PSMA1: variants seen among roughly 807,000 people sequenced by gnomAD.
PSMA1 encodes the protein proteasome 20S subunit alpha 1.
In PSMA1, 3 loss-of-function variants were observed where a neutral mutation model predicts 38.4. That is an observed-to-expected ratio of 0.08 (90% CI 0.04 to 0.20). PSMA1 has a LOEUF of 0.20. Among genes scored for constraint, PSMA1 ranks in the 10% least tolerant of loss-of-function variants. The pLI is 1.00. For synonymous variants in PSMA1, 101 were observed against 107.1 expected (o/e 0.94, Z 0.35); for missense variants, 227 against 325.3 (o/e 0.70, Z 2.32).
chr11:14,509,773 G>C (rs922437739), intron 8 of PSMA1, among the ~76,000 whole-genome samples: 1 of 150,080 alleles, frequency 6.7e-6, no homozygotes, highest in South Asian at 2.1e-4. Flanking sequence ...GGACAGGCTG[G>C]AGTGCAGTGG....
intron 2 of PSMA1, among the ~76,000 whole-genome samples, chr11:14,587,143 T>C (rs555717349): frequency 2.9e-4 from 44 of 152,354 alleles, no homozygotes; most frequent in African/African-American, 1.0e-3. Flanking sequence ...TAGTCTCAGA[T>C]CCATTCCCAC....
chr11:14,594,817 T>G (rs1242106772), intron 2 of PSMA1, among the ~76,000 whole-genome samples: 2 of 152,202 alleles, frequency 1.3e-5, no homozygotes, highest in Non-Finnish European at 2.9e-5. Flanking sequence ...CGTGCAGGTT[T>G]GATACATAGG....
intron 2 of PSMA1, among the ~76,000 whole-genome samples, chr11:14,536,872 C>T (rs1851715672): frequency 6.6e-6 from 1 of 152,218 alleles, no homozygotes; most frequent in Non-Finnish European, 1.5e-5. Context: ...GCCTCGGCCT[C>T]CCGAAGTGCT....
chr11:14,619,673 G>A (rs1182756688), intron 1 of PSMA1, among the ~76,000 whole-genome samples: 1 of 152,080 alleles, frequency 6.6e-6, no homozygotes, highest in Non-Finnish European at 1.5e-5. Flanking sequence ...TATAACAGGA[G>A]CAAGAGTTGT....
At chr11:14,625,529 CCT>C (rs577357504) in intron 1 of PSMA1, among the ~76,000 whole-genome samples, 37 of 152,278 alleles carry the variant, frequency 2.4e-4, no homozygotes, top group East Asian at 2.1e-3. Flanking sequence ...TGGATCCACC[CCT>C]GTTTCAGTAC....
At chr11:14,602,160 C>T (rs1035876205) in intron 2 of PSMA1, among the ~76,000 whole-genome samples, 15 of 152,080 alleles carry the variant, frequency 9.9e-5, no homozygotes, top group African/African-American at 3.1e-4. Flanking sequence ...GCAAGAGGAT[C>T]CAGCAGGATG....
chr11:14,521,325 TAAG>T (rs869043704), upstream of PSMA1, among the ~76,000 whole-genome samples: 323 of 74,518 alleles, frequency 4.3e-3, 1 homozygote, highest in African/African-American at 0.014. Flanking sequence ...AGAATAAGAA[TAAG>T]AATAATAAAA....
intron 2 of PSMA1, among the ~76,000 whole-genome samples, chr11:14,592,729 G>A (rs1852438907): frequency 6.6e-6 from 1 of 152,226 alleles, no homozygotes; most frequent in East Asian, 1.9e-4. Flanking sequence ...TTTATCCCTG[G>A]TGCCTAAAAC....
chr11:14,514,458 T>C lies in PSMA1; in HGVS notation c.288A>G (p.Arg96=), dbSNP rs767000878. ...NFMRQECLDS[R]FVFDRPLPVS... ...CAGGCAGTGGTCTATCGAATACAAA[T>C]CTGGAATCCAAACACTCCTGACGCA... The change falls in exon 5 of 10, where the codon AGA becomes AGG. Residue 96 remains arginine, a synonymous_variant. Transcript: ENST00000396394. 44 of 1,603,690 alleles carry C rather than the reference T, an allele frequency of 2.7e-5. No individual in the cohort carries two copies. Among genetic ancestry groups the C allele is most frequent in the Non-Finnish European group, 3.0e-5 (35 of 1,176,116 alleles).
At chr11:14,552,478 A>C (rs1356201614) in intron 2 of PSMA1, among the ~76,000 whole-genome samples, 1 of 152,188 alleles carries the variant, frequency 6.6e-6, no homozygotes, top group Non-Finnish European at 1.5e-5. Context: ...CACATAGTAC[A>C]TCAGTCCTGT....
intron 2 of PSMA1, among the ~76,000 whole-genome samples, chr11:14,578,092 G>A (rs2134182014): frequency 6.6e-6 from 1 of 151,462 alleles, no homozygotes; most frequent in African/African-American, 2.4e-5. Flanking sequence ...GGGGCTAGGG[G>A]AGGGATAGCA....
chr11:14,513,443 TA>T, intron 7 of PSMA1, 126 bp downstream of exon 7: 1 of 1,067,706 alleles, frequency 9.4e-7, no homozygotes, highest in African/African-American at 1.7e-5. Context: ...TTCATGGGCA[TA>T]ATTTTTTTTA....
upstream of PSMA1, among the ~76,000 whole-genome samples, chr11:14,524,613 G>A (rs900204864): frequency 6.6e-6 from 1 of 152,096 alleles, no homozygotes; most frequent in Admixed American, 6.6e-5. Flanking sequence ...GACTCAGCCC[G>A]TCTGCACCCA....
At position 14,566,112 on chromosome 11, in the gene PSMA1, T is replaced by C. The variant is rs529306597; in HGVS notation, c.21+44854A>G. Among the ~76,000 whole-genome samples, 601 of 151,620 alleles carry C rather than the reference T, an allele frequency of 4.0e-3. 2 individuals are homozygous for C. Among genetic ancestry groups the C allele is most frequent in the Non-Finnish European group, 7.4e-3 (502 of 67,848 alleles). Reference sequence around the variant, plus strand: ...GCAAGGGAAAGTGGTAAAGATGGAGTTGGAGGTAATGGGGCTAGGGCTTTG... The same window carrying C: ...GCAAGGGAAAGTGGTAAAGATGGAGCTGGAGGTAATGGGGCTAGGGCTTTG... On this transcript the variant is annotated intron_variant, in intron 2 of 10. Transcript: ENST00000418988.
intron 2 of PSMA1, among the ~76,000 whole-genome samples, chr11:14,606,025 T>A (rs900218391): frequency 2.6e-5 from 4 of 152,244 alleles, no homozygotes; most frequent in South Asian, 2.1e-4. Flanking sequence ...TACATTTAAA[T>A]TTTTAATCCA....
chr11:14,544,191 G>A (rs1270562584), intron 2 of PSMA1, among the ~76,000 whole-genome samples: 2 of 152,056 alleles, frequency 1.3e-5, no homozygotes, highest in Non-Finnish European at 2.9e-5. Context: ...CACCAAGCCC[G>A]GCTAATTTTC....
At chr11:14,568,045 G>A (rs1852093407) in intron 2 of PSMA1, among the ~76,000 whole-genome samples, 1 of 152,194 alleles carries the variant, frequency 6.6e-6, no homozygotes, top group Non-Finnish European at 1.5e-5. Context: ...ATGAAAATGT[G>A]ACCAGAGGCT....
At chr11:14,563,741 G>T (rs1244211987) in intron 2 of PSMA1, among the ~76,000 whole-genome samples, 1 of 152,060 alleles carries the variant, frequency 6.6e-6, no homozygotes, top group African/African-American at 2.4e-5. Flanking sequence ...ATCACTGTTA[G>T]GAAGACTTTG....
At chr11:14,610,862 G>A (rs572192766) in intron 2 of PSMA1, 57 of 1,196,332 alleles carry the variant, frequency 4.8e-5, no homozygotes, top group African/African-American at 2.0e-4. Flanking sequence ...CTAGAGATGC[G>A]TTTTTCTCAC....
Sources: allele counts gnomAD v4.1 joint callset (sites outside exome capture counted in the v4.1 genomes callset), GRCh38; gene constraint gnomAD v4.1.1; transcripts MANE v1.5; gene names NCBI Gene and HGNC (gene_info 2026-07-23, HGNC 2026-07-21).